The following UBR4 variants were observed in gnomAD, a reference collection of about 807,000 sequenced individuals.
UBR4 encodes the protein ubiquitin protein ligase E3 component n-recognin 4.
Under a neutral mutation model 575.6 loss-of-function variants are expected in UBR4, and 124 were observed. The observed-to-expected ratio is 0.22, with a 90% CI of 0.19 to 0.25. The LOEUF (loss-of-function observed/expected upper bound fraction) is 0.25, where lower values mean the gene tolerates loss of function less well. UBR4 is among the 10% of genes least tolerant of loss of function. The pLI is 1.00. For synonymous variants in UBR4, 2,455 were observed against 2,473.7 expected (o/e 0.99, Z 0.22); for missense variants, 4,818 against 6,478.8 (o/e 0.74, Z 8.80).
chr1:19,187,085 TA>T (rs2091609843), intron 13 of UBR4, 78 bp downstream of exon 13: 44 of 907,576 alleles, frequency 4.8e-5, no homozygotes, highest in South Asian at 3.0e-4. Flanking sequence ...TTTATATATA[TA>T]TATATATATA....
chr1:19,145,032 T>C, intron 53 of UBR4, 125 bp from the exon 54 acceptor site: 2 of 1,075,180 alleles, frequency 1.9e-6, no homozygotes, highest in Non-Finnish European at 2.7e-6. Context: ...TGACAAACAC[T>C]CACATACACA....
intron 65 of UBR4, 97 bp from the exon 66 acceptor site, chr1:19,123,157 A>G (rs1337542046): frequency 1.5e-6 from 2 of 1,361,532 alleles, no homozygotes; most frequent in Non-Finnish European, 2.0e-6. Context: ...ACTGTTATTA[A>G]AAGCTGGGGA....
chr1:19,202,021 C>T (rs1314912706), intron 1 of UBR4, among the ~76,000 whole-genome samples: 4 of 151,982 alleles, frequency 2.6e-5, no homozygotes, highest in African/African-American at 2.4e-5. Context: ...GGTGAAAACC[C>T]GTCACCACTA....
At chr1:19,198,957 A>T (rs759693728) in intron 3 of UBR4, 29 bp from the exon 4 acceptor site, 2 of 1,605,844 alleles carry the variant, frequency 1.2e-6, no homozygotes, top group Non-Finnish European at 8.5e-7. Context: ...CAAACAAAAG[A>T]AAACAAAAAC....
At chr1:19,113,533 G>T (rs2080148365) in intron 77 of UBR4, 166 bp downstream of exon 77, 2 of 965,280 alleles carry the variant, frequency 2.1e-6, no homozygotes, top group East Asian at 2.4e-5. Flanking sequence ...AATCACGGTG[G>T]GGGAGATGCC....
intron 92 of UBR4, among the ~76,000 whole-genome samples, chr1:19,096,074 T>C (rs2078008580): frequency 6.6e-6 from 1 of 150,528 alleles, no homozygotes; most frequent in Non-Finnish European, 1.5e-5. Flanking sequence ...CATATTCTCA[T>C]AAACCCTGGG....
At position 19,153,967 on chromosome 1, in the gene UBR4, A is replaced by ATC. The variant is rs1557815678; in HGVS notation, c.6459-29_6459-28insGA. 1 of 1,608,034 alleles carries ATC rather than the reference A, an allele frequency of 6.2e-7. No individual in the cohort carries two copies. The highest frequency in any genetic ancestry group is 1.1e-5 in the South Asian group (1 of 90,334). ...GCAGACAACAAAACTGGCCACAGTT[A>ATC]GAGTGTCAGTCACCATTTAATAGTT... On this transcript the variant is annotated intron_variant, in intron 44 of 105. Coordinates refer to ENST00000375254, the MANE Select transcript of UBR4 (RefSeq NM_020765.3). This position sits in a 1 kb window ranked among gnomAD's most constrained non-coding sequence, Gnocchi z 4.1.
At chr1:19,131,705 C>T (rs143317160) in intron 60 of UBR4, among the ~76,000 whole-genome samples, 30 of 152,202 alleles carry the variant, frequency 2.0e-4, no homozygotes, top group Non-Finnish European at 2.9e-4. Flanking sequence ...GAAACCCCAT[C>T]TCTACTAAAA....
At chr1:19,082,269 A>G (rs2076596294) in intron 102 of UBR4, 1 of 160,790 alleles carries the variant, frequency 6.2e-6, no homozygotes, top group Non-Finnish European at 1.4e-5. Context: ...GCTTTACGGG[A>G]TTATTTCACT....
intron 15 of UBR4, 124 bp downstream of exon 15, chr1:19,184,975 A>T (rs2091380560): frequency 8.2e-7 from 1 of 1,221,354 alleles, no homozygotes; most frequent in Non-Finnish European, 1.2e-6. Context: ...ATAAGTCCTA[A>T]GCAAAAATAT....
rs1368140813 is a variant in UBR4, at chr1:19,110,080, C to T, written c.12105+16G>A. 2 of 1,613,846 alleles carry T rather than the reference C, an allele frequency of 1.2e-6. No homozygotes were observed. The highest frequency in any genetic ancestry group is 1.7e-6 in the Non-Finnish European group (2 of 1,179,984). Reference sequence around the variant, plus strand: ...CGCCCTGCCCTTCCTTGTTAGACCCCTGCTTGGCCCAGTACCTTGTTCTTC... The same window carrying T: ...CGCCCTGCCCTTCCTTGTTAGACCCTTGCTTGGCCCAGTACCTTGTTCTTC... On this transcript the variant is annotated intron_variant, in intron 81 of 105. Transcript: ENST00000375254. This position sits in a 1 kb window ranked among gnomAD's most constrained non-coding sequence, Gnocchi z 4.5.
chr1:19,081,038 T>G, intron 103 of UBR4: 1 of 250,616 alleles, frequency 4.0e-6, no homozygotes, highest in Non-Finnish European at 7.7e-6. Context: ...GAAAACCTGA[T>G]TACTGTTCTT....
chr1:19,124,739 G>A, intron 64 of UBR4, 49 bp from the exon 65 acceptor site: 1 of 1,592,402 alleles, frequency 6.3e-7, no homozygotes, highest in South Asian at 1.1e-5. Flanking sequence ...GATTTTCCAT[G>A]ACCACAATTA....
intron 52 of UBR4, chr1:19,146,157 G>GGGGA: frequency 6.9e-7 from 1 of 1,452,682 alleles, no homozygotes. Flanking sequence ...TAAGTAGAAC[G>GGGGA]GGGAGCATTT....
intron 60 of UBR4, among the ~76,000 whole-genome samples, chr1:19,133,662 T>C (rs552674105): frequency 2.0e-5 from 3 of 152,074 alleles, no homozygotes; most frequent in Non-Finnish European, 4.4e-5. Context: ...TTAGAATAAA[T>C]AAATGAGCTG....
rs61759876 is a variant in UBR4, at chr1:19,150,785, A to G, written c.7222T>C (p.Ser2408Pro). The change falls in exon 49 of 106, where the codon TCG becomes CCG. Residue 2408 changes from serine (S) to proline (P), a missense_variant. By Grantham distance (74) the Ser-to-Pro change is moderately conservative. Transcript: ENST00000375254. ...DKKLNLFIGASVDPAGVTMID... is the reference protein window; with the variant it reads ...DKKLNLFIGAPVDPAGVTMID... ...ATGGTGACACCTGCTGGATCCACCG[A>G]GGCCCCAACTGCAATAAGCAAGAGA... The G allele has an allele frequency of 4.3e-6, 7 of 1,613,976 alleles. No homozygotes were observed. The highest frequency in any genetic ancestry group is 5.1e-6 in the Non-Finnish European group (6 of 1,180,024).
chr1:19,102,359 C>CG (rs1389299864), intron 87 of UBR4, among the ~76,000 whole-genome samples: 2 of 148,466 alleles, frequency 1.3e-5, no homozygotes, highest in African/African-American at 5.0e-5. Flanking sequence ...AGTGAAACTT[C>CG]GGGAAAAAAA....
chr1:19,081,727 C>G (rs1206162517), intron 102 of UBR4, 154 bp from the exon 103 acceptor site: 1 of 828,134 alleles, frequency 1.2e-6, no homozygotes, highest in South Asian at 1.4e-5. Context: ...CCGACTACTC[C>G]CACTTCCTCT....
In UBR4 at chr1:19,210,168, CG is replaced by C. The variant is rs1571919186; in HGVS notation, c.80del (p.Pro27ArgfsTer20). ...GTPATGADTT[P>X]GWEVAVRPLL... ...GGGGCCGCACAGCCACCTCCCAGCCCGGGGTCGTGTCCGCCCCCGTTGCCGG... is the reference window on the plus strand; with the variant it reads ...GGGGCCGCACAGCCACCTCCCAGCCCGGGTCGTGTCCGCCCCCGTTGCCGG... On this transcript the variant is annotated frameshift_variant, in exon 1 of 106. Coordinates refer to ENST00000375254, the MANE Select transcript of UBR4 (RefSeq NM_020765.3). LOFTEE classifies it high-confidence loss of function. 3 of 1,548,268 alleles carry C rather than the reference CG, an allele frequency of 1.9e-6. No individual in the cohort carries two copies. The highest frequency in any genetic ancestry group is 2.6e-6 in the Non-Finnish European group (3 of 1,151,372).
Sources: gnomAD v4.1 joint callset for allele counts (sites outside exome capture counted in the v4.1 genomes callset) on GRCh38, gnomAD v4.1.1 for gene constraint, Gnocchi (gnomAD v3.1) non-coding constraint, MANE v1.5 for transcripts, NCBI Gene and HGNC (gene_info 2026-07-23, HGNC 2026-07-21) for gene names.